AP1S2: variants seen among roughly 807,000 people sequenced by gnomAD.
AP1S2 encodes adaptor related protein complex 1 subunit sigma 2.
In AP1S2, 1 loss-of-function variant was observed where a neutral mutation model predicts 14.3. The ratio of observed to expected loss-of-function variants is 0.07; its 90% CI spans 0.02 to 0.33. The LOEUF is 0.33. AP1S2 is among the 10% of genes least tolerant of loss of function. The probability of loss-of-function intolerance (pLI) is 0.99; values close to 1 mark genes in which losing one functional copy is unlikely to be tolerated. For missense variants in AP1S2, 30 were observed against 117.7 expected (o/e 0.25, Z 3.45); for synonymous variants, 30 against 40.5 (o/e 0.74, Z 0.99).
At chrX:15,844,883 T>C (rs1316077608) in intron 4 of AP1S2, 2 of 483,739 alleles carry the variant, frequency 4.1e-6, no homozygotes, top group Non-Finnish European at 5.1e-6. Flanking sequence ...ACAAAAAGTA[T>C]AATTAGAAAA....
chrX:15,829,671 A>G (rs1420986824), intron 4 of AP1S2, among the ~76,000 whole-genome samples: 1 of 112,376 alleles, frequency 8.9e-6, no homozygotes, highest in East Asian at 2.8e-4. Flanking sequence ...GTGATAATAT[A>G]AAATGGAACT....
chrX:15,831,232 ATATG>A (rs1178243300), intron 4 of AP1S2: 1 of 732,744 alleles, frequency 1.4e-6, no homozygotes, highest in Admixed American at 8.9e-5. Context: ...TTCATTAATA[ATATG>A]TATGTGTTTA....
In AP1S2 at chrX:15,852,725, C is replaced by T. The variant is rs191905246; in HGVS notation, c.1-201G>A. ...TCTAGATGCAAACCTTCCAATCCCA[C>T]CTTGTTCCACATTAAGTTTGAAGGG... On this transcript the variant is annotated intron_variant, in intron 1 of 5. Transcript: ENST00000672987. 47 of 364,918 alleles carry T rather than the reference C, an allele frequency of 1.3e-4. 1 individual carries two copies. The East Asian group carries it at 6.5e-3, about 51-fold the overall frequency. 30.1% of individuals were successfully genotyped at this position (364,918 alleles called of 1,213,427 possible).
At chrX:15,853,834 G>T (rs762223301) in intron 1 of AP1S2, among the ~76,000 whole-genome samples, 3 of 111,541 alleles carry the variant, frequency 2.7e-5, no homozygotes, top group Non-Finnish European at 5.6e-5. Context: ...TGCCTCCCGT[G>T]CAAGTCCTGA....
At chrX:15,839,190 A>G (rs1411186527) in intron 4 of AP1S2, among the ~76,000 whole-genome samples, 1 of 112,245 alleles carries the variant, frequency 8.9e-6, no homozygotes, top group Non-Finnish European at 1.9e-5. Flanking sequence ...GATTAAGTTT[A>G]CCTATAAAAA....
intron 4 of AP1S2, among the ~76,000 whole-genome samples, chrX:15,841,101 T>A (rs1933816315): frequency 8.9e-6 from 1 of 112,438 alleles, no homozygotes. Flanking sequence ...TAATGTTACA[T>A]TTTTATTACT....
rs1933321894 is a variant in AP1S2, at chrX:15,828,212, A to G, written c.427-12T>C. On this transcript the variant is annotated splice_polypyrimidine_tract_variant and intron_variant, in intron 4 of 5. Transcript: ENST00000672987. ...CTTACTTTCGCATCCTAATCATGGT[A>G]CAGCACAAAGCAAGGAGAAGAGAAA... 3 of 1,109,853 alleles carry G rather than the reference A, an allele frequency of 2.7e-6. No homozygotes were observed. In the East Asian group the frequency reaches 1.0e-4, roughly 37 times the overall value. The allele number at this position is 1,109,853 out of a possible 1,213,427, so 91.5% of individuals were successfully genotyped here.
chrX:15,852,004 A>C (rs5936069), intron 2 of AP1S2, among the ~76,000 whole-genome samples: 27,067 of 111,573 alleles, frequency 0.24, 2,357 homozygotes, highest in East Asian at 0.36. Flanking sequence ...ACTTGTCTCA[A>C]TTCAGAGAAT....
At chrX:15,839,406 T>C (rs1020817520) in intron 4 of AP1S2, among the ~76,000 whole-genome samples, 1 of 111,849 alleles carries the variant, frequency 8.9e-6, no homozygotes, top group African/African-American at 3.3e-5. Context: ...TTTAAAACAA[T>C]TTAAGATATT....
intron 4 of AP1S2, chrX:15,830,079 T>A (rs1933383805): frequency 4.0e-6 from 3 of 748,309 alleles, no homozygotes; most frequent in Non-Finnish European, 3.2e-6. Context: ...ACTTTTATTT[T>A]AGACATGCAA....
chrX:15,831,461 G>A (rs1933433341), intron 4 of AP1S2: 12 of 707,580 alleles, frequency 1.7e-5, no homozygotes, highest in Non-Finnish European at 2.0e-5. Context: ...CCATGCTGAG[G>A]ATATTTTCTT....
At chrX:15,844,044 C>CT (rs1242663147) in intron 4 of AP1S2, among the ~76,000 whole-genome samples, 1 of 111,893 alleles carries the variant, frequency 8.9e-6, no homozygotes, top group Non-Finnish European at 1.9e-5. Context: ...TTGCAGGCAC[C>CT]TTAACCACTC....
At chrX:15,850,757 A>C (rs1347228083) in intron 2 of AP1S2, among the ~76,000 whole-genome samples, 1 of 110,392 alleles carries the variant, frequency 9.1e-6, no homozygotes, top group Non-Finnish European at 1.9e-5. Flanking sequence ...TGCAGGTGCC[A>C]GTCTCAGCCC....
intron 4 of AP1S2, among the ~76,000 whole-genome samples, chrX:15,829,073 C>T (rs1601838653): frequency 9.0e-6 from 1 of 111,028 alleles, no homozygotes; most frequent in South Asian, 3.7e-4. Context: ...GGCAAAAATG[C>T]GGGGAGTGGT....
rs1933254997 is a variant in AP1S2, at chrX:15,826,233, A to G, written c.*1092T>C. On this transcript the variant is annotated 3_prime_UTR_variant, in exon 6 of 6. Transcript: ENST00000672987. ...GTTTAGATATGTATAAGTACTTAGA[A>G]AAGTGACGCTGAACAATTACATAGC... is the stretch of plus-strand genomic sequence containing the variant. 1 of 112,567 alleles carries G rather than the reference A, an allele frequency of 8.9e-6. No homozygotes were observed. The highest frequency in any genetic ancestry group is 1.9e-5 in the Non-Finnish European group (1 of 53,300). 9.3% of individuals were successfully genotyped at this position (112,567 alleles called of 1,213,427 possible).
chrX:15,840,007 A>C (rs1266105182), intron 4 of AP1S2, among the ~76,000 whole-genome samples: 1 of 111,810 alleles, frequency 8.9e-6, no homozygotes, highest in Non-Finnish European at 1.9e-5. Context: ...GCATAGTACT[A>C]AGATATATCA....
intron 4 of AP1S2, chrX:15,832,125 C>G (rs916570995): frequency 1.3e-6 from 1 of 749,119 alleles, no homozygotes; most frequent in African/African-American, 2.3e-5. Context: ...TTTAAAAATC[C>G]TCAAGACAGA....
At chrX:15,833,581 G>A (rs758263417) in intron 4 of AP1S2, 11 of 677,482 alleles carry the variant, frequency 1.6e-5, no homozygotes, top group Non-Finnish European at 2.0e-5. Context: ...CTTTAATAAC[G>A]TTTTAAATAA....
intron 1 of AP1S2, among the ~76,000 whole-genome samples, chrX:15,854,062 T>C (rs1423337460): frequency 8.9e-6 from 1 of 112,117 alleles, no homozygotes; most frequent in Non-Finnish European, 1.9e-5. Context: ...CAATGTATTC[T>C]CCTTAAAATA....
Sources: allele counts gnomAD v4.1 joint callset (sites outside exome capture counted in the v4.1 genomes callset), GRCh38; gene constraint gnomAD v4.1.1; transcripts MANE v1.5; gene names NCBI Gene and HGNC (gene_info 2026-07-23, HGNC 2026-07-21).